MAML2: variants seen among roughly 807,000 people sequenced by gnomAD.
MAML2 encodes mastermind like transcriptional coactivator 2.
MAML2 carries 22 observed loss-of-function variants against 96.1 expected under a neutral mutation model. That is an observed-to-expected ratio of 0.23 (90% CI 0.16 to 0.33). The LOEUF (loss-of-function observed/expected upper bound fraction) is 0.33, where lower values mean the gene tolerates loss of function less well. Ranked by LOEUF, MAML2 falls within the 10% of genes least tolerant of loss-of-function variation. The pLI is 1.00. For synonymous variants in MAML2, 561 were observed against 521.3 expected, an observed-to-expected ratio of 1.08 and a Z score of -1.04; for missense variants, 1,367 against 1,392.4, an observed-to-expected ratio of 0.98 and a Z score of 0.29.
At chr11:96,105,102 GATTA>G (rs548159103) in intron 1 of MAML2, among the ~76,000 whole-genome samples, 149 of 152,234 alleles carry the variant, frequency 9.8e-4, no homozygotes, top group African/African-American at 3.4e-3. Context: ...TATTTTTCTT[GATTA>G]ATTAAAGTTG....
rs1425053655 is a variant in MAML2 at position 96,341,859 on chromosome 11, C to T, written c.37G>A (p.Gly13Arg). 6.4e-7 allele frequency: 1 copy of T among 1,553,130 alleles called. No individual in the cohort carries two copies. Among genetic ancestry groups the T allele is most frequent in the Non-Finnish European group, 8.7e-7 (1 of 1,153,282 alleles). ...DTAPPQAPAG[G>R]LGGASGAGLL... ...CCCGCCCCAGAGGCCCCCCCTAGCC[C>T]TCCTGCGGGGGCCTGCGGGGGCGCT... is the stretch of plus-strand genomic sequence containing the variant. The change falls in exon 1 of 5, where the codon GGG (glycine) becomes AGG (arginine). Residue 13 changes from glycine (G) to arginine (R), a missense_variant. Coordinates refer to ENST00000524717, the MANE Select transcript of MAML2 (RefSeq NM_032427.4).
chr11:96,317,149 G>A (rs1863643571), intron 1 of MAML2, among the ~76,000 whole-genome samples: 1 of 152,108 alleles, frequency 6.6e-6, no homozygotes, highest in Non-Finnish European at 1.5e-5. Flanking sequence ...GGAGTAAATT[G>A]TTCCATCTGG....
At chr11:96,325,126 T>G (rs1863756943) in intron 1 of MAML2, among the ~76,000 whole-genome samples, 1 of 152,132 alleles carries the variant, frequency 6.6e-6, no homozygotes, top group African/African-American at 2.4e-5. Context: ...AGTCATTGCT[T>G]CAAATTATGT....
intron 1 of MAML2, among the ~76,000 whole-genome samples, chr11:96,228,266 A>T (rs556077013): frequency 2.0e-5 from 3 of 152,248 alleles, no homozygotes; most frequent in South Asian, 2.1e-4. Context: ...GCTAACTTCA[A>T]TCACTCCCTC....
intron 1 of MAML2, among the ~76,000 whole-genome samples, chr11:96,276,641 C>T (rs565757075): frequency 1.3e-5 from 2 of 151,974 alleles, no homozygotes; most frequent in Non-Finnish European, 2.9e-5. Context: ...TTTGGATCCA[C>T]GTAGTTAAAT....
At chr11:96,076,426 TCTCTCTCACA>T (rs1295985219) in intron 2 of MAML2, among the ~76,000 whole-genome samples, 22 of 88,868 alleles carry the variant, frequency 2.5e-4, no homozygotes, top group African/African-American at 1.1e-3. Flanking sequence ...TGTCTCTCTC[TCTCTCTCACA>T]CACACACACA....
intron 2 of MAML2, among the ~76,000 whole-genome samples, chr11:96,024,649 A>T (rs1858486914): frequency 6.6e-6 from 1 of 152,102 alleles, no homozygotes; most frequent in South Asian, 2.1e-4. Flanking sequence ...TAAATTTCAA[A>T]CCATTATCTG....
At chr11:96,248,496 T>C (rs1463801926) in intron 1 of MAML2, among the ~76,000 whole-genome samples, 1 of 152,114 alleles carries the variant, frequency 6.6e-6, no homozygotes, top group Non-Finnish European at 1.5e-5. Context: ...GCTACTTTTA[T>C]TCTCTGCTAT....
intron 1 of MAML2, among the ~76,000 whole-genome samples, chr11:96,196,281 T>C (rs1340279284): frequency 2.7e-5 from 4 of 150,250 alleles, no homozygotes; most frequent in African/African-American, 9.8e-5. Context: ...TCCCAGTTGC[T>C]TCGGTGATTT....
At chr11:96,338,785 C>T (rs1410223523) in intron 1 of MAML2, among the ~76,000 whole-genome samples, 1 of 152,178 alleles carries the variant, frequency 6.6e-6, no homozygotes, top group Non-Finnish European at 1.5e-5. Context: ...TGGTTATGGA[C>T]ACAGTAGCAA....
chr11:96,288,467 G>T (rs928687874), intron 1 of MAML2, among the ~76,000 whole-genome samples: 1 of 151,688 alleles, frequency 6.6e-6, no homozygotes, highest in African/African-American at 2.4e-5. Context: ...GCTGGAACCT[G>T]GGAGATGGAG....
At chr11:96,027,145 C>T (rs1326532206) in intron 2 of MAML2, among the ~76,000 whole-genome samples, 1 of 152,208 alleles carries the variant, frequency 6.6e-6, no homozygotes, top group African/African-American at 2.4e-5. Context: ...TGGCTACAGT[C>T]TCAAGATAGC....
At chr11:96,304,976 T>C (rs1420506845) in intron 1 of MAML2, among the ~76,000 whole-genome samples, 2 of 152,214 alleles carry the variant, frequency 1.3e-5, no homozygotes, top group Non-Finnish European at 2.9e-5. Flanking sequence ...TCTGAAATAT[T>C]ATTATTAGGT....
chr11:96,034,784 C>T (rs1191563059), intron 2 of MAML2, among the ~76,000 whole-genome samples: 1 of 152,140 alleles, frequency 6.6e-6, no homozygotes, highest in Non-Finnish European at 1.5e-5. Context: ...AGACTATCCA[C>T]TATAAATTTG....
intron 1 of MAML2, among the ~76,000 whole-genome samples, chr11:96,136,833 T>G (rs1436255372): frequency 6.6e-6 from 1 of 152,196 alleles, no homozygotes; most frequent in Non-Finnish European, 1.5e-5. Context: ...TACTAAGACC[T>G]TGCAGAGAAG....
At chr11:96,132,045 T>A (rs1331658077) in intron 1 of MAML2, among the ~76,000 whole-genome samples, 1 of 152,140 alleles carries the variant, frequency 6.6e-6, no homozygotes, top group Admixed American at 6.6e-5. Context: ...CAATGAATTG[T>A]ACATTTTAAG....
At chr11:96,285,467 G>A (rs911378704) in intron 1 of MAML2, among the ~76,000 whole-genome samples, 3 of 152,136 alleles carry the variant, frequency 2.0e-5, no homozygotes, top group Non-Finnish European at 4.4e-5. Flanking sequence ...AGCAAAAATT[G>A]ACAAATGGGA....
At chr11:96,155,524 ATAT>A (rs1860997414) in intron 1 of MAML2, among the ~76,000 whole-genome samples, 1 of 59,638 alleles carries the variant, frequency 1.7e-5, no homozygotes, top group Non-Finnish European at 3.8e-5. Context: ...ATATATATAT[ATAT>A]ATATATATAT....
At chr11:96,280,890 A>G (rs1863055090) in intron 1 of MAML2, among the ~76,000 whole-genome samples, 1 of 152,206 alleles carries the variant, frequency 6.6e-6, no homozygotes, top group Non-Finnish European at 1.5e-5. Context: ...CCAGAGGGGT[A>G]GGTACTTCAT....
Sources: allele counts gnomAD v4.1 joint callset (sites outside exome capture counted in the v4.1 genomes callset), GRCh38; gene constraint gnomAD v4.1.1; transcripts MANE v1.5; gene names NCBI Gene and HGNC (gene_info 2026-07-23, HGNC 2026-07-21).